Variants in PDZD2 observed in about 807,000 individuals in gnomAD.
The protein encoded by PDZD2 is PDZ domain containing 2.
In PDZD2, 90 loss-of-function variants were observed where a neutral mutation model predicts 220.7. The ratio of observed to expected loss-of-function variants is 0.41; its 90% CI spans 0.34 to 0.49. The LOEUF (loss-of-function observed/expected upper bound fraction) is 0.49, where lower values mean the gene tolerates loss of function less well. Among genes scored for constraint, PDZD2 ranks in the 20% least tolerant of loss-of-function variants. The probability of loss-of-function intolerance (pLI) is 0.28; values close to 1 mark genes in which losing one functional copy is unlikely to be tolerated. For synonymous variants in PDZD2, 1,375 were observed against 1,450.5 expected, an observed-to-expected ratio of 0.95 and a Z score of 1.18; for missense variants, 3,174 against 3,608.5, an observed-to-expected ratio of 0.88 and a Z score of 3.08.
At chr5:32,097,462 A>T (rs1379730228) in intron 22 of PDZD2, 82 bp downstream of exon 22, 1 of 834,358 alleles carries the variant, frequency 1.2e-6, no homozygotes, top group Non-Finnish European at 2.1e-6. Context: ...AATTCCAATC[A>T]GCGGGTTCAG....
chr5:31,649,149 A>T lies in PDZD2; in HGVS notation c.-361+9712A>T, dbSNP rs145090155. Among the ~76,000 whole-genome samples the T allele has an allele frequency of 8.3e-3, 1,263 of 151,788 alleles. 18 individuals are homozygous for T. The highest frequency in any genetic ancestry group is 0.028 in the African/African-American group (1,175 of 41,408). ...CGCTTTGGCCTCCCAGAGTTCTGGG[A>T]TTACAGACATGAGCCACTGTGCCCG... On this transcript the variant is annotated intron_variant, in intron 1 of 24. Transcript: ENST00000438447.
At chr5:31,652,522 C>T (rs1168911388) in intron 1 of PDZD2, among the ~76,000 whole-genome samples, 1 of 152,182 alleles carries the variant, frequency 6.6e-6, no homozygotes, top group African/African-American at 2.4e-5. Flanking sequence ...TCACTGCCCC[C>T]AAATCAACTT....
chr5:31,837,833 G>A (rs1226068926), intron 2 of PDZD2, among the ~76,000 whole-genome samples: 2 of 152,192 alleles, frequency 1.3e-5, no homozygotes, highest in Non-Finnish European at 2.9e-5. Flanking sequence ...GCTGCAGTGA[G>A]CTGAGATCGC....
At chr5:31,756,301 C>T (rs1751305431) in intron 1 of PDZD2, among the ~76,000 whole-genome samples, 1 of 152,222 alleles carries the variant, frequency 6.6e-6, no homozygotes, top group African/African-American at 2.4e-5. Context: ...CCAGTGTGCA[C>T]TCAGAGAAAG....
At chr5:32,027,807 A>C (rs1269499838) in intron 6 of PDZD2, among the ~76,000 whole-genome samples, 1 of 152,186 alleles carries the variant, frequency 6.6e-6, no homozygotes, top group Non-Finnish European at 1.5e-5. Context: ...ATGGTTATTC[A>C]TTCCCAGCCC....
At chr5:32,059,123 G>A in intron 12 of PDZD2, 116 bp from the exon 13 acceptor site, 1 of 608,502 alleles carries the variant, frequency 1.6e-6, no homozygotes, top group East Asian at 2.8e-5. Context: ...GTCTGGACCA[G>A]AAATAAATGG....
intron 2 of PDZD2, among the ~76,000 whole-genome samples, chr5:31,899,017 C>T (rs544365699): frequency 2.6e-5 from 4 of 151,688 alleles, no homozygotes; most frequent in South Asian, 2.1e-4. Flanking sequence ...TTAGTATAGA[C>T]GGGGTTTCAC....
intron 2 of PDZD2, among the ~76,000 whole-genome samples, chr5:31,916,454 T>C (rs1357552438): frequency 2.0e-5 from 3 of 152,240 alleles, no homozygotes; most frequent in Non-Finnish European, 4.4e-5. Context: ...TGAATGACAG[T>C]GCCTGTTCAT....
chr5:31,808,453 C>T (rs1157281805), intron 2 of PDZD2, among the ~76,000 whole-genome samples: 15 of 152,132 alleles, frequency 9.9e-5, no homozygotes, highest in Non-Finnish European at 2.2e-4. Context: ...GTTCGTGACC[C>T]GCTTCATTCC....
At chr5:31,702,250 A>G (rs1192514243) in intron 1 of PDZD2, among the ~76,000 whole-genome samples, 1 of 152,208 alleles carries the variant, frequency 6.6e-6, no homozygotes, top group African/African-American at 2.4e-5. Flanking sequence ...ATAATCTTTA[A>G]GCCATCCCAT....
intron 2 of PDZD2, among the ~76,000 whole-genome samples, chr5:31,850,025 C>A (rs1757906961): frequency 3.2e-5 from 2 of 61,950 alleles, no homozygotes; most frequent in South Asian, 3.8e-4. Flanking sequence ...CACGTATATA[C>A]TCATATATAC....
chr5:31,803,107 T>A (rs1490008452), intron 2 of PDZD2, among the ~76,000 whole-genome samples: 68 of 150,810 alleles, frequency 4.5e-4, no homozygotes, highest in African/African-American at 9.5e-4. Context: ...TTTTATTTTT[T>A]TTTTTTGCAG....
At chr5:31,917,953 G>T (rs886547360) in intron 2 of PDZD2, among the ~76,000 whole-genome samples, 1 of 152,140 alleles carries the variant, frequency 6.6e-6, no homozygotes, top group South Asian at 2.1e-4. Context: ...TGGCCAGGCT[G>T]GTCTCAAACT....
chr5:32,100,639 C>A (rs1744166398), intron 23 of PDZD2: 2 of 358,050 alleles, frequency 5.6e-6, no homozygotes, highest in Non-Finnish European at 5.5e-6. Flanking sequence ...TTCTAACAGT[C>A]TCACATGAGA....
At chr5:31,969,235 G>A (rs180686241) in intron 2 of PDZD2, among the ~76,000 whole-genome samples, 32 of 152,188 alleles carry the variant, frequency 2.1e-4, no homozygotes, top group Admixed American at 3.9e-4. Flanking sequence ...AGCCAGGCAC[G>A]ATGGCTCATG....
At chr5:31,968,719 C>T (rs1159717870) in intron 2 of PDZD2, among the ~76,000 whole-genome samples, 1 of 152,076 alleles carries the variant, frequency 6.6e-6, no homozygotes, top group African/African-American at 2.4e-5. Context: ...CTTCATCCAC[C>T]ATATGAAGAC....
chr5:31,749,964 G>A (rs1016999397), intron 1 of PDZD2, among the ~76,000 whole-genome samples: 3 of 152,176 alleles, frequency 2.0e-5, no homozygotes, highest in Admixed American at 2.0e-4. Context: ...GGGCTTGCAG[G>A]GTCCTCTGTA....
chr5:31,949,501 C>T (rs1346979345), intron 2 of PDZD2, among the ~76,000 whole-genome samples: 1 of 152,018 alleles, frequency 6.6e-6, no homozygotes, highest in Admixed American at 6.6e-5. Flanking sequence ...GTTCTGTTAC[C>T]TGTGGCACCC....
chr5:31,772,479 C>A (rs574091171), intron 1 of PDZD2, among the ~76,000 whole-genome samples: 1 of 152,204 alleles, frequency 6.6e-6, no homozygotes, highest in Admixed American at 6.5e-5. Flanking sequence ...GCCCCATCCG[C>A]GAGTTGCACC....
Sources: allele counts gnomAD v4.1 joint callset (sites outside exome capture counted in the v4.1 genomes callset), GRCh38; gene constraint gnomAD v4.1.1; transcripts MANE v1.5; gene names NCBI Gene and HGNC (gene_info 2026-07-23, HGNC 2026-07-21).